The following PHGDH variants were observed in gnomAD, a reference collection of about 807,000 sequenced individuals.
The protein encoded by PHGDH is D-3-phosphoglycerate dehydrogenase.
In PHGDH, 50 loss-of-function variants were observed where a neutral mutation model predicts 52.6. The ratio of observed to expected loss-of-function variants is 0.95; its 90% CI spans 0.76 to 1.20. PHGDH has a LOEUF of 1.20. Ranked by LOEUF, PHGDH falls within the 50% of genes most tolerant of loss-of-function variation. PHGDH has a pLI of 0.00. For missense variants in PHGDH, 630 were observed against 684.6 expected (o/e 0.92, Z 0.89); for synonymous variants, 271 against 280.5 (o/e 0.97, Z 0.34).
intron 5 of PHGDH, chr1:119,729,378 C>G (rs919301813): frequency 1.3e-5 from 2 of 152,210 alleles, no homozygotes; most frequent in Admixed American, 6.5e-5. Flanking sequence ...ACTAAGAGCA[C>G]TCATAGCCAA....
In PHGDH at chr1:119,737,203, C is replaced by T. The variant is rs778794269; in HGVS notation, c.882C>T (p.Arg294=). ...LGASTKEAQS[R]CGEEIAVQFV... ...CCAGCACCAAGGAGGCTCAGAGCCG[C>T]TGTGGGGAGGAAATTGCTGTTCAGT... Residue 294 remains arginine (R), a synonymous_variant, in exon 8 of 12, where the codon CGC becomes CGT. Transcript: ENST00000641023. 1.2e-6 allele frequency: 2 copies of T among 1,614,166 alleles called. No homozygotes were observed. The highest frequency in any genetic ancestry group is 3.3e-5 in the Admixed American group (2 of 60,024).
At chr1:119,722,209 C>T (rs149153364) in intron 2 of PHGDH, among the ~76,000 whole-genome samples, 10 of 152,260 alleles carry the variant, frequency 6.6e-5, no homozygotes, top group African/African-American at 2.4e-4. Context: ...TCTACTTGCG[C>T]CCCCATACAG....
intron 5 of PHGDH, among the ~76,000 whole-genome samples, chr1:119,732,115 G>A (rs1424931913): frequency 1.3e-5 from 2 of 152,212 alleles, no homozygotes; most frequent in Non-Finnish European, 2.9e-5. Flanking sequence ...TTCAGCTGTG[G>A]GGCAGAGAGA....
intron 9 of PHGDH, among the ~76,000 whole-genome samples, chr1:119,741,056 A>G (rs1480980919): frequency 1.3e-5 from 2 of 152,188 alleles, no homozygotes; most frequent in African/African-American, 4.8e-5. Context: ...TCAGCCGTGG[A>G]GTGGGAATGA....
intron 3 of PHGDH, among the ~76,000 whole-genome samples, chr1:119,726,066 C>T (rs3790704): frequency 2.0e-5 from 3 of 152,110 alleles, no homozygotes; most frequent in East Asian, 1.9e-4. Context: ...GGACATATAT[C>T]GCCCTTTGAC....
At position 119,744,015 on chromosome 1, in the gene PHGDH, C is replaced by CT; in HGVS notation, c.1578dup (p.Glu527Ter). On this transcript the variant is annotated frameshift_variant, in exon 12 of 12. Transcript: ENST00000641023. LOFTEE classifies it high-confidence loss of function. Reference sequence around the variant, plus strand: ...CTGGAAGCGTGGAAGCAGCATGTGACTGAAGCCTTCCAGTTCCACTTCTAA... The same window carrying CT: ...CTGGAAGCGTGGAAGCAGCATGTGACTTGAAGCCTTCCAGTTCCACTTCTAA... 6.2e-7 allele frequency: 1 copy of CT among 1,614,214 alleles called. No individual in the cohort carries two copies. Among genetic ancestry groups the CT allele is most frequent in the Non-Finnish European group, 8.5e-7 (1 of 1,180,024 alleles).
chr1:119,724,644 C>G (rs1244652826), intron 3 of PHGDH: 1 of 376,946 alleles, frequency 2.7e-6, no homozygotes, highest in Non-Finnish European at 5.1e-6. Context: ...TTCACTTCAG[C>G]TATTACCTTC....
At chr1:119,741,654 G>A (rs1652212327) in intron 9 of PHGDH, 113 bp from the exon 10 acceptor site, 25 of 964,062 alleles carry the variant, frequency 2.6e-5, no homozygotes, top group Non-Finnish European at 4.2e-5. Context: ...TGCCTTTGGG[G>A]TCCCCAGGGC....
At chr1:119,743,170 A>G (rs1652293272) in intron 11 of PHGDH, 126 bp downstream of exon 11, 1 of 765,528 alleles carries the variant, frequency 1.3e-6, no homozygotes, top group Admixed American at 1.7e-5. Context: ...GATCTGCACC[A>G]TACAGAGGGT....
chr1:119,720,830 T>C (rs1651115068), intron 1 of PHGDH: 1 of 375,474 alleles, frequency 2.7e-6, no homozygotes, highest in African/African-American at 2.1e-5. Flanking sequence ...CCAGCATGTG[T>C]CTGATGGACA....
At chr1:119,734,947 C>G (rs780320380) in intron 6 of PHGDH, 181 bp downstream of exon 6, 15 of 702,692 alleles carry the variant, frequency 2.1e-5, no homozygotes, top group Non-Finnish European at 2.5e-6. Context: ...GGTGAGCCAG[C>G]TAGAAGTGCT....
At position 119,741,900 on chromosome 1, in the gene PHGDH, G is replaced by C. The variant is rs771825779; in HGVS notation, c.1209+3G>C. On this transcript the variant is annotated splice_donor_region_variant and intron_variant, in intron 10 of 11. Transcript: ENST00000641023. ...TGGTGAAAGAGGCTGGCCTCAATGT[G>C]CGCCCCTCTCCCCCACGCTGCCTCC... 1.2e-4 allele frequency: 191 copies of C among 1,612,932 alleles called. No individual in the cohort carries two copies. The highest frequency in any genetic ancestry group is 1.6e-4 in the Non-Finnish European group (187 of 1,179,140).
intron 7 of PHGDH, among the ~76,000 whole-genome samples, chr1:119,735,744 G>A (rs1207918729): frequency 2.0e-5 from 3 of 152,212 alleles, no homozygotes; most frequent in Non-Finnish European, 4.4e-5. Flanking sequence ...CCACAAATCA[G>A]TTCTGAAGTT....
chr1:119,740,315 G>T, intron 8 of PHGDH, 71 bp from the exon 9 acceptor site: 1 of 1,567,566 alleles, frequency 6.4e-7, no homozygotes, highest in Admixed American at 1.7e-5. Context: ...CTGGGTCTTG[G>T]CAGCCAGATC....
chr1:119,742,689 C>T, intron 10 of PHGDH, 118 bp from the exon 11 acceptor site: 2 of 733,472 alleles, frequency 2.7e-6, no homozygotes, highest in Non-Finnish European at 4.9e-6. Context: ...TCCTGAATTA[C>T]TGAGCACATT....
At chr1:119,743,384 G>T (rs1456583193) in intron 11 of PHGDH, among the ~76,000 whole-genome samples, 1 of 152,216 alleles carries the variant, frequency 6.6e-6, no homozygotes, top group East Asian at 1.9e-4. Flanking sequence ...ATTGAGTGCA[G>T]GTTTCTTACT....
intron 9 of PHGDH, among the ~76,000 whole-genome samples, chr1:119,741,195 G>A (rs587621706): frequency 1.3e-5 from 2 of 152,162 alleles, no homozygotes; most frequent in African/African-American, 4.8e-5. Flanking sequence ...CTGTAGACGT[G>A]TATCTTTCCC....
At chr1:119,718,353 GT>G (rs1651018192) in intron 1 of PHGDH, among the ~76,000 whole-genome samples, 1 of 152,218 alleles carries the variant, frequency 6.6e-6, no homozygotes, top group Non-Finnish European at 1.5e-5. Context: ...TGTAATATCT[GT>G]CTTAGGATTG....
At chr1:119,734,550 C>A in intron 5 of PHGDH, 84 bp from the exon 6 acceptor site, 1 of 1,348,774 alleles carries the variant, frequency 7.4e-7, no homozygotes, top group Non-Finnish European at 1.1e-6. Flanking sequence ...ATGGTAAATG[C>A]TCAAAAAATG....
Sources: allele counts gnomAD v4.1 joint callset (sites outside exome capture counted in the v4.1 genomes callset), GRCh38; gene constraint gnomAD v4.1.1; transcripts MANE v1.5; gene names NCBI Gene and HGNC (gene_info 2026-07-23, HGNC 2026-07-21).